The following AHRR variants were observed in gnomAD, a reference collection of about 807,000 sequenced individuals.
AHRR encodes aryl hydrocarbon receptor repressor, also known as ahR repressor.
In AHRR, 28 loss-of-function variants were observed where a neutral mutation model predicts 44.0. The observed-to-expected ratio is 0.64, with a 90% CI of 0.47 to 0.87. AHRR has a LOEUF of 0.87. Among genes scored for constraint, AHRR ranks in the 40% least tolerant of loss-of-function variants. AHRR has a pLI of 0.00. For synonymous variants in AHRR, 434 were observed against 407.0 expected (o/e 1.07, Z -0.80); for missense variants, 990 against 953.9 (o/e 1.04, Z -0.50).
chr5:413,905 T>C (rs1735582179), intron 5 of AHRR, among the ~76,000 whole-genome samples: 1 of 152,102 alleles, frequency 6.6e-6, no homozygotes, highest in African/African-American at 2.4e-5. Flanking sequence ...AGGCAGAGAA[T>C]GGGGTTGAGG....
chr5:432,748 T>C (rs1736789831), intron 9 of AHRR, 58 bp from the exon 10 acceptor site: 1 of 1,613,378 alleles, frequency 6.2e-7, no homozygotes, highest in Non-Finnish European at 8.5e-7. Flanking sequence ...AGCAACCGTC[T>C]TCCAGGAGCT....
chr5:392,884 A>C (rs1734532895), intron 4 of AHRR, among the ~76,000 whole-genome samples: 1 of 146,864 alleles, frequency 6.8e-6, no homozygotes, highest in Non-Finnish European at 1.5e-5. Flanking sequence ...CCATGCCTTC[A>C]TTTTCTGCGT....
rs1244076973 is a variant in AHRR at position 395,585 on chromosome 5, C to G, written c.352-17759C>G. Among the ~76,000 whole-genome samples the G allele has an allele frequency of 6.6e-6, 1 of 152,250 alleles. No individual in the cohort carries two copies. The highest frequency in any genetic ancestry group is 1.5e-5 in the Non-Finnish European group (1 of 68,050). On this transcript the variant is annotated intron_variant, in intron 4 of 10. Transcript: ENST00000684583. The surrounding 1 kb of genome is among the most constrained non-coding windows in gnomAD (Gnocchi z 5.3). ...GCCGAGCAGGGCCTCACAAAAACAG[C>G]TGTGAGAACAGCCTTGCGTGTCTGG...
At position 427,864 on chromosome 5, in the gene AHRR, T is replaced by C. The variant is rs554434575; in HGVS notation, c.766T>C (p.Ser256Pro). 1 of 1,614,082 alleles carries C rather than the reference T, an allele frequency of 6.2e-7. No homozygotes were observed. The highest frequency in any genetic ancestry group is 8.5e-7 in the Non-Finnish European group (1 of 1,180,024). Residue 256 changes from serine (S) to proline (P), a missense_variant, in exon 8 of 11, where the codon TCA (serine) becomes CCA (proline). Transcript: ENST00000684583. ...GTTTGGACAGAAGAAGAAGGCGCCGTCAGGAGCCATGCTCCCGCCGCGGCT... is the reference window on the plus strand; with the variant it reads ...GTTTGGACAGAAGAAGAAGGCGCCGCCAGGAGCCATGCTCCCGCCGCGGCT... ...FLFGQKKKAP[S>P]GAMLPPRLSL...
At chr5:431,629 G>A (rs1560925527) in intron 8 of AHRR, among the ~76,000 whole-genome samples, 2 of 150,678 alleles carry the variant, frequency 1.3e-5, no homozygotes, top group South Asian at 2.1e-4. Flanking sequence ...CCCCAGCAGC[G>A]GCCCCTAGCA....
At position 416,415 on chromosome 5, in the gene AHRR, G is replaced by A. The variant is rs546315046; in HGVS notation, c.441+2982G>A. Among the ~76,000 whole-genome samples the A allele has an allele frequency of 1.4e-4, 22 of 152,368 alleles. No individual in the cohort carries two copies. The South Asian group carries it at 2.3e-3, about 16-fold the overall frequency. On this transcript the variant is annotated intron_variant, in intron 5 of 10. Coordinates refer to ENST00000684583, the MANE Select transcript of AHRR (RefSeq NM_001377236.1). ...GAAAAGCCCTGGTGCCCGGCACGGCGTCTCCTACCACAGAGTGACATCGCT... is the reference window on the plus strand; with the variant it reads ...GAAAAGCCCTGGTGCCCGGCACGGCATCTCCTACCACAGAGTGACATCGCT...
rs61757545 is a variant in AHRR, at chr5:434,095, C to T, written c.1355C>T (p.Pro452Leu). Residue 452 changes from proline to leucine, a missense_variant, in exon 11 of 11, where the codon CCG becomes CTG. Transcript: ENST00000684583. The stretch of plus-strand genomic sequence containing the variant: ...TTCAGGAACTCGCCCATCTCTCACC[C>T]GCCGAGCCCGTCCCCCAGTGCCTAC... ...GTFRNSPISH[P>L]PSPSPSAYSS... The T allele has an allele frequency of 7.4e-6, 12 of 1,612,982 alleles. No homozygotes were observed. Among genetic ancestry groups the T allele is most frequent in the East Asian group, 2.2e-5 (1 of 44,886 alleles).
intron 1 of AHRR, among the ~76,000 whole-genome samples, chr5:329,408 G>A (rs894185653): frequency 3.3e-5 from 5 of 152,334 alleles, no homozygotes; most frequent in African/African-American, 1.2e-4. Context: ...GTCTCACTGT[G>A]TTGTTCAGGC....
chr5:402,966 CAT>C (rs79285751), intron 4 of AHRR, among the ~76,000 whole-genome samples: 9,594 of 152,162 alleles, frequency 0.063, 410 homozygotes, highest in South Asian at 0.097. Context: ...TGATCTCACT[CAT>C]ATGTGGAATC....
At chr5:340,688 A>ATATATATATATATATATATATATTTTTTT (rs1269938749) in intron 1 of AHRR, among the ~76,000 whole-genome samples, 1 of 12,928 alleles carries the variant, frequency 7.7e-5, no homozygotes, top group African/African-American at 4.0e-4. Context: ...ATATATATAT[A>ATATATATATATATATATATATATTTTTTT]TTTTTTTTTT....
chr5:338,063 T>G lies in AHRR; in HGVS notation c.-10-5830T>G, dbSNP rs1742203576. The stretch of plus-strand genomic sequence containing the variant: ...GGTAGCTGGCACAGCTTCTGAGTAC[T>G]GTCACCTCACTTTGCGAATACATGT... On this transcript the variant is annotated intron_variant, in intron 1 of 10. Coordinates refer to ENST00000684583, the MANE Select transcript of AHRR (RefSeq NM_001377236.1). The surrounding 1 kb of genome is among the most constrained non-coding windows in gnomAD (Gnocchi z 4.1). Among the ~76,000 whole-genome samples the G allele has an allele frequency of 6.6e-6, 1 of 152,228 alleles. No homozygotes were observed. Among genetic ancestry groups the G allele is most frequent in the South Asian group, 2.1e-4 (1 of 4,828 alleles).
At chr5:426,771 C>CA in intron 7 of AHRR, among the ~76,000 whole-genome samples, 1 of 124,302 alleles carries the variant, frequency 8.0e-6, no homozygotes, top group African/African-American at 3.2e-5. Flanking sequence ...GATGCATGGA[C>CA]AGATGGATGA....
At chr5:391,574 G>A (rs1158249439) in intron 4 of AHRR, among the ~76,000 whole-genome samples, 69 of 3,292 alleles carry the variant, frequency 0.021, no homozygotes, top group East Asian at 0.027. Context: ...GTGCACGGGG[G>A]CAGGGCGAGG....
At chr5:432,340 C>G in intron 8 of AHRR, 123 bp from the exon 9 acceptor site, 3 of 879,000 alleles carry the variant, frequency 3.4e-6, no homozygotes, top group Non-Finnish European at 5.5e-6. Flanking sequence ...TTGTTTCTGT[C>G]TTCACTGCTC....
chr5:433,871 G>C lies in AHRR; in HGVS notation c.1131G>C (p.Gln377His). 1 of 1,506,046 alleles carries C rather than the reference G, an allele frequency of 6.6e-7. No individual in the cohort carries two copies. The highest frequency in any genetic ancestry group is 1.4e-5 in the African/African-American group (1 of 70,960). 93.3% of individuals were successfully genotyped at this position (1,506,046 alleles called of 1,614,324 possible). ...TCTGCAGGGACAGGGAGGAGGAGCA[G>C]CACAGGATGCTGAGCAGGGCCTCTG... ...KGGSGDREEEQHRMLSRASGV... is the reference protein window; with the variant it reads ...KGGSGDREEEHHRMLSRASGV... The change falls in exon 11 of 11, where the codon CAG (glutamine) becomes CAC (histidine). Residue 377 changes from glutamine to histidine, a missense_variant. Gln to His is a conservative substitution (Grantham distance 24). Coordinates refer to ENST00000684583, the MANE Select transcript of AHRR (RefSeq NM_001377236.1).
intron 8 of AHRR, among the ~76,000 whole-genome samples, chr5:431,813 G>T (rs1270563683): frequency 6.6e-6 from 1 of 152,226 alleles, no homozygotes; most frequent in East Asian, 1.9e-4. Context: ...CATAGATGGG[G>T]CATTGTGAGT....
At chr5:426,539 A>C (rs1200656123) in intron 7 of AHRR, among the ~76,000 whole-genome samples, 1 of 150,826 alleles carries the variant, frequency 6.6e-6, no homozygotes, top group Admixed American at 6.6e-5. Flanking sequence ...TGACGGATGG[A>C]TAGATGGACA....
intron 4 of AHRR, among the ~76,000 whole-genome samples, chr5:386,200 G>A (rs923815308): frequency 6.6e-6 from 1 of 151,898 alleles, no homozygotes; most frequent in Non-Finnish European, 1.5e-5. Context: ...GTGTCATTTC[G>A]GAGTTTATTC....
rs2126526477 is a variant in AHRR at position 419,811 on chromosome 5, G to A, written c.442-2918G>A. ...TAAGCTGTGAAACAAATGTCATAAG[G>A]TCTCTAATTTAGAAGGGGGAAGACC... On this transcript the variant is annotated intron_variant, in intron 5 of 10. Transcript: ENST00000684583. This position sits in a 1 kb window ranked among gnomAD's most constrained non-coding sequence, Gnocchi z 4.4. Among the ~76,000 whole-genome samples, 1 of 152,240 alleles carries A rather than the reference G, an allele frequency of 6.6e-6. No homozygotes were observed. The highest frequency in any genetic ancestry group is 3.4e-3 in the Middle Eastern group (1 of 294).
Sources: gnomAD v4.1 joint callset for allele counts (sites outside exome capture counted in the v4.1 genomes callset) on GRCh38, gnomAD v4.1.1 for gene constraint, Gnocchi (gnomAD v3.1) non-coding constraint, MANE v1.5 for transcripts, NCBI Gene and HGNC (gene_info 2026-07-23, HGNC 2026-07-21) for gene names.